PRR5L: variants seen among roughly 807,000 people sequenced by gnomAD.
The protein encoded by PRR5L is proline rich 5 like, also known as proline-rich protein 5-like.
A neutral mutation model predicts 36.4 loss-of-function variants in PRR5L; 21 were observed. The ratio of observed to expected loss-of-function variants is 0.58; its 90% CI spans 0.41 to 0.83. The LOEUF is 0.83. Among genes scored for constraint, PRR5L ranks in the 40% least tolerant of loss-of-function variants. The pLI, the probability that PRR5L is intolerant of heterozygous loss-of-function variation, is 0.00. For missense variants in PRR5L, 381 were observed against 473.3 expected, an observed-to-expected ratio of 0.80 and a Z score of 1.81; for synonymous variants, 188 against 197.0, an observed-to-expected ratio of 0.95 and a Z score of 0.38.
In PRR5L at chr11:36,403,103, CTGCT is replaced by C. The variant is rs1857832875; in HGVS notation, c.165-193_165-190del. On this transcript the variant is annotated intron_variant, in intron 2 of 8. Coordinates refer to ENST00000530639, the MANE Select transcript of PRR5L (RefSeq NM_001160167.2). The stretch of plus-strand genomic sequence containing the variant: ...CTGCTGGCTTGCAAGAAAGCGGGGG[CTGCT>C]TTTGAGTCCTTTCGCCTTTGGTCTT... Among the ~76,000 whole-genome samples, 3 of 152,326 alleles carry C rather than the reference CTGCT, an allele frequency of 2.0e-5. No homozygotes were observed. In the South Asian group the frequency reaches 6.2e-4, roughly 32 times the overall value.
intron 1 of PRR5L, among the ~76,000 whole-genome samples, chr11:36,363,252 G>A (rs1374425694): frequency 6.6e-6 from 1 of 152,186 alleles, no homozygotes; most frequent in African/African-American, 2.4e-5. Flanking sequence ...TTATGGACCA[G>A]GAGAAAAGTA....
In PRR5L at chr11:36,462,544, C is replaced by T. The variant is rs1220844909; in HGVS notation, c.915C>T (p.Ala305=). The T allele has an allele frequency of 6.2e-7, 1 of 1,610,224 alleles. No individual in the cohort carries two copies. Among genetic ancestry groups the T allele is most frequent in the Non-Finnish European group, 8.5e-7 (1 of 1,178,054 alleles). ...CGGACATCCAGCTGCTGGCCATGGC[C>T]ACCATGATGCACTCGGGCCTGGGGG... ...AHSDIQLLAM[A]TMMHSGLGEE... The change falls in exon 9 of 9, where the codon GCC becomes GCT. Residue 305 remains alanine (A), a synonymous_variant. Coordinates refer to ENST00000530639, the MANE Select transcript of PRR5L (RefSeq NM_001160167.2).
intron 1 of PRR5L, among the ~76,000 whole-genome samples, chr11:36,382,148 A>G (rs1266500074): frequency 6.6e-6 from 1 of 152,120 alleles, no homozygotes; most frequent in East Asian, 1.9e-4. Context: ...ACAGAGTGAG[A>G]CTCCGTCTCA....
intron 1 of PRR5L, among the ~76,000 whole-genome samples, chr11:36,308,508 G>A (rs538814036): frequency 3.9e-5 from 6 of 152,296 alleles, no homozygotes; most frequent in African/African-American, 1.2e-4. Context: ...TCTCAGGAAA[G>A]GTCACTTTGG....
intron 1 of PRR5L, among the ~76,000 whole-genome samples, chr11:36,327,571 C>T (rs1856677377): frequency 6.6e-6 from 1 of 152,168 alleles, no homozygotes; most frequent in South Asian, 2.1e-4. Context: ...GAATCCTCTT[C>T]CCTTTCCAGG....
chr11:36,320,989 A>AT (rs1321425647), intron 1 of PRR5L, among the ~76,000 whole-genome samples: 1 of 152,064 alleles, frequency 6.6e-6, no homozygotes, highest in Non-Finnish European at 1.5e-5. Flanking sequence ...AGTTTCTCCT[A>AT]TTTTTTACAG....
intron 3 of PRR5L, among the ~76,000 whole-genome samples, chr11:36,406,746 G>A (rs532715099): frequency 6.6e-6 from 1 of 152,344 alleles, no homozygotes; most frequent in African/African-American, 2.4e-5. Context: ...TGGTAGGGAT[G>A]TCAGAAAGAG....
chr11:36,312,569 A>G (rs1468886492), intron 1 of PRR5L, among the ~76,000 whole-genome samples: 1 of 152,218 alleles, frequency 6.6e-6, no homozygotes, highest in Non-Finnish European at 1.5e-5. Flanking sequence ...AAGGTGATGG[A>G]TAAGAGCATG....
chr11:36,425,571 A>G (rs754181646), intron 4 of PRR5L: 3 of 152,176 alleles, frequency 2.0e-5, no homozygotes, highest in African/African-American at 7.2e-5. Context: ...CGCTTTAACT[A>G]TGGCTGAAAC....
chr11:36,410,245 C>G (rs1219022059), intron 3 of PRR5L, among the ~76,000 whole-genome samples: 36 of 152,184 alleles, frequency 2.4e-4, no homozygotes, highest in Admixed American at 2.4e-3. Context: ...GGACATCTCA[C>G]CTAGAACTCC....
chr11:36,319,906 A>T (rs1445084981), intron 1 of PRR5L, among the ~76,000 whole-genome samples: 2 of 152,030 alleles, frequency 1.3e-5, no homozygotes, highest in African/African-American at 4.8e-5. Context: ...TGTCCAGGGG[A>T]GGGGGATTTA....
intron 1 of PRR5L, among the ~76,000 whole-genome samples, chr11:36,351,228 T>A (rs1410426531): frequency 1.2e-5 from 1 of 83,486 alleles, no homozygotes; most frequent in Non-Finnish European, 2.0e-5. Flanking sequence ...ATATATATAT[T>A]TATATATATT....
In PRR5L at chr11:36,401,318, C is replaced by T. The variant is rs765285957; in HGVS notation, c.164+33C>T. 6 of 1,599,236 alleles carry T rather than the reference C, an allele frequency of 3.8e-6. No homozygotes were observed. The East Asian group carries it at 1.3e-4, about 36-fold the overall frequency. ...AGGCTGCAGGATGTGGGGTGGAGGG[C>T]TGCCAAGGGCCATGGCAGGGAGGGA... On this transcript the variant is annotated intron_variant, in intron 2 of 8. Coordinates refer to ENST00000530639, the MANE Select transcript of PRR5L (RefSeq NM_001160167.2).
intron 3 of PRR5L, among the ~76,000 whole-genome samples, chr11:36,416,084 G>A (rs988836045): frequency 1.3e-5 from 2 of 152,098 alleles, no homozygotes; most frequent in African/African-American, 4.8e-5. Context: ...TAAAATAGTT[G>A]CATAGAATTC....
At chr11:36,361,541 G>A (rs924458088) in intron 1 of PRR5L, among the ~76,000 whole-genome samples, 2 of 151,940 alleles carry the variant, frequency 1.3e-5, no homozygotes, top group African/African-American at 4.8e-5. Flanking sequence ...GACTTTAAAG[G>A]GTTACTGAGT....
At chr11:36,402,824 C>T (rs140476923) in intron 2 of PRR5L, among the ~76,000 whole-genome samples, 304 of 152,302 alleles carry the variant, frequency 2.0e-3, no homozygotes, top group Middle Eastern at 0.01. Context: ...GTAAGGCTGG[C>T]CTGCGAGAAA....
intron 6 of PRR5L, among the ~76,000 whole-genome samples, chr11:36,438,819 C>T (rs1858659669): frequency 6.6e-6 from 1 of 152,014 alleles, no homozygotes; most frequent in African/African-American, 2.4e-5. Context: ...TCTGTAGTCT[C>T]AGGTACTAGG....
At chr11:36,432,919 G>A (rs568866126) in intron 5 of PRR5L, among the ~76,000 whole-genome samples, 1 of 152,242 alleles carries the variant, frequency 6.6e-6, no homozygotes, top group East Asian at 1.9e-4. Context: ...TCCAAGGTCT[G>A]GCAAACAGTT....
At chr11:36,419,169 C>T (rs922844579) in intron 3 of PRR5L, 86 bp from the exon 4 acceptor site, 4 of 1,267,164 alleles carry the variant, frequency 3.2e-6, no homozygotes, top group Admixed American at 3.4e-5. Context: ...CCTGGCCCCA[C>T]CCCGTGCCAC....
Sources: allele counts gnomAD v4.1 joint callset (sites outside exome capture counted in the v4.1 genomes callset), GRCh38; gene constraint gnomAD v4.1.1; transcripts MANE v1.5; gene names NCBI Gene and HGNC (gene_info 2026-07-23, HGNC 2026-07-21).